The following MORN1 variants were observed in gnomAD, a reference collection of about 807,000 sequenced individuals.
MORN1 encodes MORN repeat containing 1, also known as MORN repeat-containing protein 1.
MORN1 carries 67 observed loss-of-function variants against 61.9 expected under a neutral mutation model. That is an observed-to-expected ratio of 1.08 (90% CI 0.89 to 1.33). The LOEUF is 1.33. MORN1 is among the 40% of genes most tolerant of loss of function. MORN1 has a pLI of 0.00. For synonymous variants in MORN1, 301 were observed against 292.0 expected (o/e 1.03, Z -0.31); for missense variants, 752 against 691.2 (o/e 1.09, Z -0.99).
chr1:2,329,198 TGC>T (rs1641096735), intron 12 of MORN1, among the ~76,000 whole-genome samples: 1 of 152,164 alleles, frequency 6.6e-6, no homozygotes, highest in Non-Finnish European at 1.5e-5. Context: ...CCCCTCCGTC[TGC>T]TGTGGGGTTA....
At chr1:2,362,142 G>A (rs1641902401) in intron 8 of MORN1, among the ~76,000 whole-genome samples, 1 of 152,186 alleles carries the variant, frequency 6.6e-6, no homozygotes, top group African/African-American at 2.4e-5. Flanking sequence ...TGAGGCAGGA[G>A]AATCACTTGA....
Position 2,334,458 on chromosome 1 carries a change from G to GGAA in MORN1, c.1250+2008_1250+2010dup, listed in dbSNP as rs1641223060. The stretch of plus-strand genomic sequence containing the variant: ...CAGAGCTTACGGAGAGTTCCCGATG[G>GGAA]GAAAGACTCCCCAGGGTTTCCGCAC... On this transcript the variant is annotated intron_variant, in intron 12 of 13. Transcript: ENST00000378531. This position sits in a 1 kb window ranked among gnomAD's most constrained non-coding sequence, Gnocchi z 5.4. Among the ~76,000 whole-genome samples the GGAA allele has an allele frequency of 6.6e-6, 1 of 152,182 alleles. No homozygotes were observed. Among genetic ancestry groups the GGAA allele is most frequent in the Non-Finnish European group, 1.5e-5 (1 of 68,030 alleles).
chr1:2,322,258 C>G, intron 13 of MORN1: 1 of 985,440 alleles, frequency 1.0e-6, no homozygotes, highest in African/African-American at 1.7e-5. Flanking sequence ...GCCATAGAAA[C>G]CATCCTCTCC....
At position 2,346,386 on chromosome 1, in the gene MORN1, A is replaced by T. The variant is rs574258575; in HGVS notation, c.1037-9536T>A. On this transcript the variant is annotated intron_variant, in intron 10 of 13. Coordinates refer to ENST00000378531, the MANE Select transcript of MORN1 (RefSeq NM_024848.3). ...TCGAGATACATTTTATTTTGTTTTTATGTATATTTTATTTTTTGAGACAAA... is the reference window on the plus strand; with the variant it reads ...TCGAGATACATTTTATTTTGTTTTTTTGTATATTTTATTTTTTGAGACAAA... Among the ~76,000 whole-genome samples the T allele has an allele frequency of 8.5e-5, 13 of 152,152 alleles. No homozygotes were observed. In the South Asian group the frequency reaches 2.1e-3, roughly 24 times the overall value.
chr1:2,332,776 T>C (rs1409037857), intron 12 of MORN1: 10 of 455,796 alleles, frequency 2.2e-5, no homozygotes, highest in Non-Finnish European at 2.2e-5. Context: ...AAAACCTCCA[T>C]GAGTGAGTGA....
In MORN1 at chr1:2,324,159, A is replaced by G. The variant is rs1418349324; in HGVS notation, c.1251-16T>C. On this transcript the variant is annotated splice_polypyrimidine_tract_variant and intron_variant, in intron 12 of 13. Coordinates refer to ENST00000378531, the MANE Select transcript of MORN1 (RefSeq NM_024848.3). ...CCCCTCAGGCCTGTGGAGACGACACAGTGAGGCCCCTGAATGCCCTGCCTG... is the reference window on the plus strand; with the variant it reads ...CCCCTCAGGCCTGTGGAGACGACACGGTGAGGCCCCTGAATGCCCTGCCTG... 2.5e-6 allele frequency: 4 copies of G among 1,592,566 alleles called. No individual in the cohort carries two copies. Among genetic ancestry groups the G allele is most frequent in the African/African-American group, 1.3e-5 (1 of 74,632 alleles).
chr1:2,349,845 C>T (rs1641607575), intron 10 of MORN1, among the ~76,000 whole-genome samples: 1 of 152,304 alleles, frequency 6.6e-6, no homozygotes, highest in African/African-American at 2.4e-5. Flanking sequence ...GTAAGAGAAA[C>T]CACTCAGATC....
chr1:2,379,039 GTTC>G (rs1377436289), intron 6 of MORN1: 7 of 470,958 alleles, frequency 1.5e-5, no homozygotes, highest in Non-Finnish European at 2.6e-5. Context: ...TTAAAAAAAG[GTTC>G]TTCATAGAGC....
At chr1:2,363,894 T>A (rs576962873) in intron 8 of MORN1, among the ~76,000 whole-genome samples, 89 of 150,000 alleles carry the variant, frequency 5.9e-4, no homozygotes, top group Non-Finnish European at 7.3e-4. Flanking sequence ...AAAATAGATA[T>A]AGAGGGGAAA....
intron 10 of MORN1, among the ~76,000 whole-genome samples, chr1:2,347,019 A>G (rs1193433444): frequency 6.6e-6 from 1 of 152,130 alleles, no homozygotes; most frequent in Non-Finnish European, 1.5e-5. Context: ...CTTGGGAGAT[A>G]GGGAGCTTCT....
At chr1:2,360,193 C>T (rs774292209) in intron 8 of MORN1, among the ~76,000 whole-genome samples, 7 of 152,214 alleles carry the variant, frequency 4.6e-5, no homozygotes, top group Non-Finnish European at 1.0e-4. Flanking sequence ...GACAGGTTAA[C>T]AGGAACCCAG....
At chr1:2,386,025 G>C in intron 4 of MORN1, 128 bp from the exon 5 acceptor site, 5 of 749,898 alleles carry the variant, frequency 6.7e-6, no homozygotes, top group Non-Finnish European at 1.2e-5. Flanking sequence ...GGGGCTCAGG[G>C]CCCCCCAGGA....
At chr1:2,333,139 T>C (rs1157187761) in intron 12 of MORN1, among the ~76,000 whole-genome samples, 1 of 152,212 alleles carries the variant, frequency 6.6e-6, no homozygotes, top group African/African-American at 2.4e-5. Context: ...GTGGCCAGAA[T>C]GTTCCAGGCA....
At chr1:2,363,616 T>G (rs1456716152) in intron 8 of MORN1, 2 of 151,518 alleles carry the variant, frequency 1.3e-5, no homozygotes, top group Non-Finnish European at 2.9e-5. Context: ...TTTTTTTAAA[T>G]TAACCAGGCG....
intron 12 of MORN1, among the ~76,000 whole-genome samples, chr1:2,331,706 G>C (rs1201441736): frequency 6.6e-6 from 1 of 152,174 alleles, no homozygotes; most frequent in Non-Finnish European, 1.5e-5. Context: ...AACAGTCAAA[G>C]ACGACTTTGC....
At position 2,321,520 on chromosome 1, in the gene MORN1, G is replaced by A. The variant is rs866880131; in HGVS notation, c.1357C>T (p.Pro453Ser). 3.3e-6 allele frequency: 5 copies of A among 1,535,710 alleles called. No individual in the cohort carries two copies. Among genetic ancestry groups the A allele is most frequent in the Admixed American group, 2.1e-5 (1 of 47,404 alleles). ...TTPPFLGRRL[P>S]PAFKHLRVVA... Reference sequence around the variant, plus strand: ...ACCCGCAGGTGTTTGAAGGCCGGGGGCAGCCTGCGCCCCAGGAACGGCGGG... The same window carrying A: ...ACCCGCAGGTGTTTGAAGGCCGGGGACAGCCTGCGCCCCAGGAACGGCGGG... Residue 453 changes from proline (P) to serine (S), a missense_variant, in exon 14 of 14, where the codon CCC (proline) becomes TCC (serine). Coordinates refer to ENST00000378531, the MANE Select transcript of MORN1 (RefSeq NM_024848.3).
At chr1:2,382,543 G>C (rs1033425566) in intron 6 of MORN1, among the ~76,000 whole-genome samples, 1 of 152,214 alleles carries the variant, frequency 6.6e-6, no homozygotes, top group Non-Finnish European at 1.5e-5. Context: ...TGGCAGTGGG[G>C]TGGGGGCCCG....
At chr1:2,324,860 C>A (rs1162741294) in intron 12 of MORN1, among the ~76,000 whole-genome samples, 1 of 152,004 alleles carries the variant, frequency 6.6e-6, no homozygotes, top group Non-Finnish European at 1.5e-5. Context: ...TCGGGGCACC[C>A]ACGGGCTGGG....
At chr1:2,361,249 C>G (rs2840540) in intron 8 of MORN1, among the ~76,000 whole-genome samples, 23,220 of 152,128 alleles carry the variant, frequency 0.15, 2,431 homozygotes, top group Admixed American at 0.31. Flanking sequence ...TAAATAGACA[C>G]ACAGAAGATA....
Sources: gnomAD v4.1 joint callset for allele counts (sites outside exome capture counted in the v4.1 genomes callset) on GRCh38, gnomAD v4.1.1 for gene constraint, Gnocchi (gnomAD v3.1) non-coding constraint, MANE v1.5 for transcripts, NCBI Gene and HGNC (gene_info 2026-07-23, HGNC 2026-07-21) for gene names.